The following AIG1 variants were observed in gnomAD, a reference collection of about 807,000 sequenced individuals.
The protein encoded by AIG1 is androgen induced 1, also known as androgen-induced gene 1 protein.
In AIG1, 23 loss-of-function variants were observed where a neutral mutation model predicts 31.4. The observed-to-expected ratio is 0.73, with a 90% CI of 0.53 to 1.04. The LOEUF (loss-of-function observed/expected upper bound fraction) is 1.04. Among genes scored for constraint, AIG1 ranks in the 50% least tolerant of loss-of-function variants. The pLI is 0.00. For missense variants in AIG1, 274 were observed against 295.0 expected, an observed-to-expected ratio of 0.93 and a Z score of 0.52; for synonymous variants, 100 against 110.5, an observed-to-expected ratio of 0.90 and a Z score of 0.60.
chr6:143,163,788 G>T (rs936566844), intron 2 of AIG1, among the ~76,000 whole-genome samples: 1 of 151,950 alleles, frequency 6.6e-6, no homozygotes, highest in Admixed American at 6.6e-5. Context: ...CTTTTCCTTG[G>T]CTTTGCTTAT....
At chr6:143,276,351 C>G (rs937859426) in intron 3 of AIG1, among the ~76,000 whole-genome samples, 2 of 152,080 alleles carry the variant, frequency 1.3e-5, no homozygotes, top group Non-Finnish European at 2.9e-5. Context: ...TGGAAGTGCC[C>G]AGAACATACT....
rs375995628 is a variant in AIG1 at position 143,203,731 on chromosome 6, G to C, written c.399+38548G>C. 1.2e-4 allele frequency among the ~76,000 whole-genome samples: 18 copies of C among 152,296 alleles called. 1 individual carries two copies. In the South Asian group the frequency reaches 3.7e-3, roughly 32 times the overall value. ...AATGAATATCCTTGGTTGGATCCAT[G>C]AGCCATATCCCTTGAGATGCTGTAT... On this transcript the variant is annotated intron_variant, in intron 3 of 5. Coordinates refer to ENST00000357847, the MANE Select transcript of AIG1 (RefSeq NM_016108.4).
chr6:143,307,875 A>G (rs932878972), intron 4 of AIG1, among the ~76,000 whole-genome samples: 218 of 152,322 alleles, frequency 1.4e-3, no homozygotes, highest in African/African-American at 4.8e-3. Context: ...CAAGCTTCCC[A>G]GCTGCTTTGT....
chr6:143,214,313 C>A (rs1282733159), intron 3 of AIG1, among the ~76,000 whole-genome samples: 1 of 152,190 alleles, frequency 6.6e-6, no homozygotes, highest in Admixed American at 6.5e-5. Flanking sequence ...ATGCAAGTCC[C>A]ACTCTGTCAT....
chr6:143,115,119 A>G (rs746555528), intron 1 of AIG1, among the ~76,000 whole-genome samples: 5 of 152,268 alleles, frequency 3.3e-5, no homozygotes, highest in Admixed American at 2.0e-4. Context: ...CATTTTGGTC[A>G]GTTTTGCAAT....
chr6:143,312,257 A>C (rs7741748), intron 4 of AIG1, among the ~76,000 whole-genome samples: 1 of 152,156 alleles, frequency 6.6e-6, no homozygotes, highest in Non-Finnish European at 1.5e-5. Flanking sequence ...AGCTAAAGCT[A>C]TCTTGAGCAA....
chr6:143,170,549 T>A (rs1787399833), intron 3 of AIG1, among the ~76,000 whole-genome samples: 2 of 151,468 alleles, frequency 1.3e-5, no homozygotes, highest in South Asian at 4.2e-4. Flanking sequence ...GTCTACCTAA[T>A]GGTATGTCAG....
intron 3 of AIG1, among the ~76,000 whole-genome samples, chr6:143,246,038 C>T (rs1171577048): frequency 6.6e-6 from 1 of 151,622 alleles, no homozygotes; most frequent in African/African-American, 2.4e-5. Context: ...AAACAAATCT[C>T]CTCACGTTTT....
At chr6:143,166,861 C>T (rs909087045) in intron 3 of AIG1, among the ~76,000 whole-genome samples, 2 of 152,138 alleles carry the variant, frequency 1.3e-5, no homozygotes, top group African/African-American at 4.8e-5. Context: ...GCCCAAATGA[C>T]GTAGCTCAGG....
chr6:143,294,532 C>T (rs1798289776), intron 4 of AIG1, among the ~76,000 whole-genome samples: 1 of 152,158 alleles, frequency 6.6e-6, no homozygotes, highest in Non-Finnish European at 1.5e-5. Flanking sequence ...ATAAGTCTCT[C>T]ATCAGATTGG....
At chr6:143,315,493 A>C (rs1393421751) in intron 4 of AIG1, among the ~76,000 whole-genome samples, 1 of 152,158 alleles carries the variant, frequency 6.6e-6, no homozygotes, top group Non-Finnish European at 1.5e-5. Flanking sequence ...AATGGAACAA[A>C]ATAAAGAGCT....
chr6:143,318,263 T>A (rs1775928188), intron 4 of AIG1, among the ~76,000 whole-genome samples: 1 of 152,092 alleles, frequency 6.6e-6, no homozygotes, highest in East Asian at 1.9e-4. Context: ...CAAAACGGCA[T>A]GGTACTGGTA....
chr6:143,152,728 A>G (rs1207389596), intron 2 of AIG1, among the ~76,000 whole-genome samples: 1 of 152,126 alleles, frequency 6.6e-6, no homozygotes, highest in African/African-American at 2.4e-5. Context: ...ACCACCAGAT[A>G]TACAAAAGTT....
At chr6:143,317,601 A>G (rs1775869324) in intron 4 of AIG1, among the ~76,000 whole-genome samples, 1 of 152,164 alleles carries the variant, frequency 6.6e-6, no homozygotes, top group Admixed American at 6.5e-5. Context: ...GAACAAGACA[A>G]GGATGCCCAC....
chr6:143,166,657 A>G (rs1786978744), intron 3 of AIG1, among the ~76,000 whole-genome samples: 1 of 152,218 alleles, frequency 6.6e-6, no homozygotes, highest in African/African-American at 2.4e-5. Context: ...ATCAATACAT[A>G]TTTATTAAAT....
chr6:143,161,930 T>C (rs992630278), intron 2 of AIG1, among the ~76,000 whole-genome samples: 8 of 152,010 alleles, frequency 5.3e-5, no homozygotes, highest in Non-Finnish European at 1.0e-4. Flanking sequence ...TTCAACATAT[T>C]GCTGCAGATC....
At chr6:143,249,891 G>A (rs990422534) in intron 3 of AIG1, among the ~76,000 whole-genome samples, 1 of 152,194 alleles carries the variant, frequency 6.6e-6, no homozygotes, top group African/African-American at 2.4e-5. Flanking sequence ...TCACCCTAGG[G>A]GCCACTACCT....
intron 1 of AIG1, among the ~76,000 whole-genome samples, chr6:143,121,296 G>T (rs1782223130): frequency 6.6e-6 from 1 of 152,164 alleles, no homozygotes; most frequent in Admixed American, 6.5e-5. Context: ...TGTTTGCCCA[G>T]TATGTCTTCA....
Position 143,128,193 on chromosome 6 carries a change from A to G in AIG1, c.142-8642A>G, listed in dbSNP as rs1782866376. Among the ~76,000 whole-genome samples, 3 of 152,336 alleles carry G rather than the reference A, an allele frequency of 2.0e-5. No individual in the cohort carries two copies. The South Asian group carries it at 6.2e-4, about 32-fold the overall frequency. ...TTAATTTAATCAAAACCAATTGTGC[A>G]TTTCAAAAAAGATAAAGACATGAAT... On this transcript the variant is annotated intron_variant, in intron 1 of 5. Transcript: ENST00000357847.
Sources: allele counts gnomAD v4.1 joint callset (sites outside exome capture counted in the v4.1 genomes callset), GRCh38; gene constraint gnomAD v4.1.1; transcripts MANE v1.5; gene names NCBI Gene and HGNC (gene_info 2026-07-23, HGNC 2026-07-21).